Variants in DIDO1 observed in about 807,000 individuals in gnomAD.
DIDO1 encodes death-inducer obliterator 1.
Under a neutral mutation model 99.4 loss-of-function variants are expected in DIDO1, and 16 were observed. That is an observed-to-expected ratio of 0.16 (90% confidence interval 0.11 to 0.24). DIDO1 has a LOEUF of 0.24. Among genes scored for constraint, DIDO1 ranks in the 10% least tolerant of loss-of-function variants. The pLI, the probability that DIDO1 is intolerant of heterozygous loss-of-function variation, is 1.00. For missense variants in DIDO1, 2,996 were observed against 3,014.0 expected (o/e 0.99, Z 0.14); for synonymous variants, 1,366 against 1,239.1 (o/e 1.10, Z -2.15).
exon 1 of DIDO1, chr20:62,937,894 T>G (rs2065410342): frequency 5.0e-6 from 2 of 398,254 alleles, no homozygotes; most frequent in African/African-American, 4.1e-5. Context: ...CCGACGCCTT[T>G]TGACTCTGGC....
intron 15 of DIDO1, 99 bp from the exon 16 acceptor site, chr20:62,882,513 A>T: frequency 8.4e-7 from 1 of 1,194,600 alleles, no homozygotes. Context: ...AACGTTTAAT[A>T]GACAAAAATA....
chr20:62,910,094 T>C (rs1000725201), intron 3 of DIDO1, 74 bp from the exon 4 acceptor site: 27 of 1,475,936 alleles, frequency 1.8e-5, no homozygotes, highest in East Asian at 6.9e-5. Flanking sequence ...AATAAGACAA[T>C]TGGTTTTAAC....
intron 15 of DIDO1, chr20:62,887,508 G>A (rs2147371647): frequency 2.0e-6 from 2 of 985,460 alleles, no homozygotes; most frequent in Non-Finnish European, 1.2e-6. Context: ...TACAGAGGGC[G>A]GTGTTTCCTC....
rs781032813 is a variant in DIDO1 at position 62,895,163 on chromosome 20, T to A, written c.2217A>T (p.Gly739=). 6 of 1,603,596 alleles carry A rather than the reference T, an allele frequency of 3.7e-6. No homozygotes were observed. Among genetic ancestry groups the A allele is most frequent in the Non-Finnish European group, 8.5e-7 (1 of 1,171,402 alleles). ...CCTCACGCAGAACACGATGGAAGAG[T>A]CCCTATAAACAAGTATTTTTCATTT... ...MFNLKDPKNQ[G]LFHRVLREEI... The change falls in exon 9 of 16, where the codon GGA becomes GGT. Residue 739 remains glycine, a splice_region_variant and synonymous_variant. Coordinates refer to ENST00000395343, the MANE Select transcript of DIDO1 (RefSeq NM_001193369.2).
Position 62,896,608 on chromosome 20 carries a change from CAT to C in DIDO1, c.1975_1976del (p.Met659GlufsTer29). The C allele has an allele frequency of 6.2e-7, 1 of 1,613,158 alleles. No individual in the cohort carries two copies. Among genetic ancestry groups the C allele is most frequent in the Non-Finnish European group, 8.5e-7 (1 of 1,179,426 alleles). ...AATTTGGCTGCGATGGTGCAGCACT[CAT>C]AGCCCCAAGGCGTCCTGGGGCTGGC... ...ASPAPGRLGA[M>X]SAAPSQPNSQ... On this transcript the variant is annotated frameshift_variant, in exon 7 of 16. Transcript: ENST00000395343. LOFTEE classifies it high-confidence loss of function. The surrounding 1 kb of genome is among the most constrained non-coding windows in gnomAD (Gnocchi z 4.4).
At chr20:62,921,360 C>A (rs910971075) in intron 1 of DIDO1, among the ~76,000 whole-genome samples, 4 of 152,252 alleles carry the variant, frequency 2.6e-5, no homozygotes, top group African/African-American at 9.6e-5. Context: ...ACCGCTGACA[C>A]AGCAGCGCCT....
At chr20:62,937,119 AAC>A (rs1175938175) in intron 1 of DIDO1, among the ~76,000 whole-genome samples, 3 of 152,238 alleles carry the variant, frequency 2.0e-5, no homozygotes, top group Non-Finnish European at 2.9e-5. Flanking sequence ...CTTGTAAGCA[AAC>A]ACACGAAACC....
chr20:62,890,729 T>TC, intron 15 of DIDO1: 3 of 1,388,658 alleles, frequency 2.2e-6, no homozygotes, highest in East Asian at 2.7e-5. Context: ...TGTGGGTTTT[T>TC]CCCTCTCTAA....
Position 62,894,420 on chromosome 20 carries a change from A to C in DIDO1, c.2565T>G (p.Ile855Met), listed in dbSNP as rs2064469994. ...CCCCTGCACTGTGCTCACCTGTGCA[A>C]ATTTTACAGTTGAGATCGAAGAGGT... The part of the protein sequence containing the change: ...RAHLFDLNCK[I>M]CTGQVPSAED... Residue 855 changes from isoleucine (I) to methionine (M), a missense_variant, in exon 11 of 16, where the codon ATT becomes ATG. Around this residue, in one of 5 missense-constraint regions of DIDO1, gnomAD observed 898 missense variants for 972.7 expected, o/e 0.92. Coordinates refer to ENST00000395343, the MANE Select transcript of DIDO1 (RefSeq NM_001193369.2). The surrounding 1 kb of genome is among the most constrained non-coding windows in gnomAD (Gnocchi z 4.4). 1 of 1,612,218 alleles carries C rather than the reference A, an allele frequency of 6.2e-7. No homozygotes were observed. Among genetic ancestry groups the C allele is most frequent in the Non-Finnish European group, 8.5e-7 (1 of 1,180,014 alleles).
chr20:62,890,286 T>G, intron 15 of DIDO1: 1 of 985,962 alleles, frequency 1.0e-6, no homozygotes, highest in East Asian at 1.1e-4. Context: ...TCACATCAGC[T>G]TCTTCTAAGG....
chr20:62,887,537 G>A (rs748211486), intron 15 of DIDO1: 1 of 985,444 alleles, frequency 1.0e-6, no homozygotes, highest in African/African-American at 1.7e-5. Flanking sequence ...TACTTGGGGA[G>A]AACAGACTGT....
At chr20:62,936,860 T>C (rs2065392211) in intron 1 of DIDO1, among the ~76,000 whole-genome samples, 1 of 152,254 alleles carries the variant, frequency 6.6e-6, no homozygotes, top group Non-Finnish European at 1.5e-5. Context: ...AGACTTCGTC[T>C]CAAAATAAAT....
intron 15 of DIDO1, chr20:62,889,958 G>A (rs2064364520): frequency 1.0e-6 from 1 of 985,506 alleles, no homozygotes; most frequent in Non-Finnish European, 1.2e-6. Flanking sequence ...GTAGGAACGT[G>A]GGCTGTGCCT....
chr20:62,922,568 G>C (rs1357439669), intron 1 of DIDO1, among the ~76,000 whole-genome samples: 1 of 152,152 alleles, frequency 6.6e-6, no homozygotes, highest in Non-Finnish European at 1.5e-5. Flanking sequence ...CAGGGTATCA[G>C]GCAGTGCATC....
intron 1 of DIDO1, among the ~76,000 whole-genome samples, chr20:62,914,736 G>A (rs577527477): frequency 6.6e-6 from 1 of 152,234 alleles, no homozygotes; most frequent in African/African-American, 2.4e-5. Context: ...TTTCCATTTG[G>A]AGCCTATGTC....
At chr20:62,917,390 A>G (rs1235663182) in intron 1 of DIDO1, among the ~76,000 whole-genome samples, 1 of 152,244 alleles carries the variant, frequency 6.6e-6, no homozygotes, top group Non-Finnish European at 1.5e-5. Context: ...TCAGGTTTAC[A>G]ATGGCAGATA....
Position 62,880,382 on chromosome 20 carries a change from G to A in DIDO1, c.5574C>T (p.Ala1858=), listed in dbSNP as rs760794417. 1.2e-6 allele frequency: 2 copies of A among 1,612,830 alleles called. No individual in the cohort carries two copies. The highest frequency in any genetic ancestry group is 3.3e-5 in the Admixed American group (2 of 60,028). ...PHGEKREFQD[A]PYNEVTGAPA... ...GGGCGCCCGTCACCTCGTTATACGG[G>A]GCGTCCTGGAACTCCCTCTTCTCCC... Residue 1858 remains alanine, a synonymous_variant, in exon 16 of 16, where the codon GCC becomes GCT. Coordinates refer to ENST00000395343, the MANE Select transcript of DIDO1 (RefSeq NM_001193369.2).
intron 1 of DIDO1, among the ~76,000 whole-genome samples, chr20:62,922,094 T>C (rs926503741): frequency 5.9e-5 from 5 of 84,410 alleles, no homozygotes; most frequent in African/African-American, 1.8e-4. Context: ...ACACTATATA[T>C]ACACACTATA....
chr20:62,926,243 C>T (rs1332898007), intron 1 of DIDO1, among the ~76,000 whole-genome samples, 196 bp downstream of exon 1: 2 of 118,484 alleles, frequency 1.7e-5, no homozygotes, highest in Non-Finnish European at 3.3e-5. Flanking sequence ...CGGCTCTGAC[C>T]GGCCCCGCCC....
Sources: gnomAD v4.1 joint callset for allele counts (sites outside exome capture counted in the v4.1 genomes callset) on GRCh38, gnomAD v4.1.1 for gene constraint, gnomAD v4.1.1 regional missense constraint, Gnocchi (gnomAD v3.1) non-coding constraint, MANE v1.5 for transcripts, NCBI Gene and HGNC (gene_info 2026-07-23, HGNC 2026-07-21) for gene names.